TDRD3: variants seen among roughly 807,000 people sequenced by gnomAD.
The protein encoded by TDRD3 is tudor domain containing 3, also known as tudor domain-containing protein 3.
A neutral mutation model predicts 86.7 loss-of-function variants in TDRD3; 45 were observed. The ratio of observed to expected loss-of-function variants is 0.52; its 90% confidence interval spans 0.41 to 0.67. TDRD3 has a LOEUF of 0.67. Ranked by LOEUF, TDRD3 falls within the 30% of genes least tolerant of loss-of-function variation. TDRD3 has a pLI of 0.00. For synonymous variants in TDRD3, 298 were observed against 301.7 expected (o/e 0.99, Z 0.13); for missense variants, 814 against 889.0 (o/e 0.92, Z 1.07).
At chr13:60,506,655 G>A (rs1158452757) in intron 8 of TDRD3, among the ~76,000 whole-genome samples, 5 of 152,140 alleles carry the variant, frequency 3.3e-5, no homozygotes, top group Non-Finnish European at 7.4e-5. Context: ...TACTTGAGAG[G>A]CTGAGGCAGG....
At chr13:60,429,902 A>C (rs1015666204) in intron 1 of TDRD3, among the ~76,000 whole-genome samples, 1 of 152,170 alleles carries the variant, frequency 6.6e-6, no homozygotes, top group African/African-American at 2.4e-5. Context: ...ATTTTGTAGA[A>C]TAAACAAGGG....
intron 11 of TDRD3, among the ~76,000 whole-genome samples, 175 bp downstream of exon 11, chr13:60,529,392 A>G (rs921635918): frequency 6.6e-6 from 1 of 152,188 alleles, no homozygotes; most frequent in Non-Finnish European, 1.5e-5. Flanking sequence ...TAATATTTTT[A>G]TGGATGCCTA....
chr13:60,485,494 C>A (rs2137512336), intron 6 of TDRD3, among the ~76,000 whole-genome samples: 1 of 152,136 alleles, frequency 6.6e-6, no homozygotes, highest in African/African-American at 2.4e-5. Flanking sequence ...TGTTTGAAAT[C>A]TAAAATTATT....
chr13:60,449,514 G>C (rs1955485846), intron 3 of TDRD3, among the ~76,000 whole-genome samples: 1 of 152,062 alleles, frequency 6.6e-6, no homozygotes, highest in African/African-American at 2.4e-5. Flanking sequence ...TGGGAAAAGT[G>C]TTGCTTTTGG....
chr13:60,535,314 A>G (rs1370573354), intron 12 of TDRD3, 81 bp downstream of exon 12: 6 of 1,430,876 alleles, frequency 4.2e-6, no homozygotes, highest in Middle Eastern at 2.0e-4. Flanking sequence ...TAGCCATACA[A>G]AATATGCAAG....
intron 5 of TDRD3, among the ~76,000 whole-genome samples, chr13:60,481,867 A>C (rs747722139): frequency 3.3e-5 from 5 of 152,180 alleles, no homozygotes; most frequent in Admixed American, 1.3e-4. Flanking sequence ...AATGAGTATA[A>C]GAATTAGCTT....
At position 60,509,857 on chromosome 13, in the gene TDRD3, C is replaced by T. The variant is rs1957019696; in HGVS notation, c.953C>T (p.Ala318Val). The change falls in exon 9 of 14, where the codon GCA becomes GTA. Residue 318 changes from alanine (A) to valine (V), a missense_variant. By Grantham distance (64) the Ala-to-Val change is moderately conservative (BLOSUM62 0). Transcript: ENST00000377881. ...ATGGATAATGGCAACAACTTAGAAG[C>T]AGCACTGAACGTACTTCTTACAAGC... ...ALMDNGNNLE[A>V]ALNVLLTSNK... 2 of 1,613,832 alleles carry T rather than the reference C, an allele frequency of 1.2e-6. No individual in the cohort carries two copies. Among genetic ancestry groups the T allele is most frequent in the South Asian group, 2.2e-5 (2 of 91,074 alleles).
intron 1 of TDRD3, among the ~76,000 whole-genome samples, chr13:60,414,339 C>T (rs1954440493): frequency 6.6e-6 from 1 of 152,092 alleles, no homozygotes; most frequent in Admixed American, 6.6e-5. Flanking sequence ...TAGTAGAACA[C>T]AGCCAGAACC....
At chr13:60,534,366 A>T (rs1850610422) in intron 11 of TDRD3, among the ~76,000 whole-genome samples, 1 of 152,158 alleles carries the variant, frequency 6.6e-6, no homozygotes, top group Non-Finnish European at 1.5e-5. Context: ...TAAGTAAATC[A>T]GTTCCTTGTG....
intron 1 of TDRD3, among the ~76,000 whole-genome samples, chr13:60,423,289 C>T (rs1671759823): frequency 6.6e-6 from 1 of 152,120 alleles, no homozygotes; most frequent in Non-Finnish European, 1.5e-5. Context: ...GAAACAGAAA[C>T]TTCAGGAGTT....
At position 60,520,430 on chromosome 13, in the gene TDRD3, G is replaced by C. The variant is rs146380404; in HGVS notation, c.1142-7937G>C. On this transcript the variant is annotated intron_variant, in intron 10 of 13. Transcript: ENST00000377881. The stretch of plus-strand genomic sequence containing the variant: ...GGTTTCTAGCCCAAGATCTTTGTAT[G>C]TGTTGTTCTCTCCTCTTGGACGACT... Among the ~76,000 whole-genome samples, 755 of 152,242 alleles carry C rather than the reference G, an allele frequency of 5.0e-3. 3 individuals are homozygous for C. Among genetic ancestry groups the C allele is most frequent in the Middle Eastern group, 0.024 (7 of 294 alleles).
At chr13:60,514,991 T>C (rs879729668) in intron 10 of TDRD3, among the ~76,000 whole-genome samples, 4 of 152,194 alleles carry the variant, frequency 2.6e-5, no homozygotes, top group African/African-American at 4.8e-5. Context: ...GGGAAGTAGA[T>C]TGATTTTGTA....
At chr13:60,565,212 C>T (rs1285403985) in intron 12 of TDRD3, among the ~76,000 whole-genome samples, 1 of 151,946 alleles carries the variant, frequency 6.6e-6, no homozygotes, top group African/African-American at 2.4e-5. Context: ...CCCGCCACCG[C>T]GCCCGGCTAA....
intron 1 of TDRD3, among the ~76,000 whole-genome samples, chr13:60,413,362 C>T (rs185350069): frequency 6.6e-6 from 1 of 152,246 alleles, no homozygotes; most frequent in African/African-American, 2.4e-5. Flanking sequence ...CTGGTGTTTA[C>T]GAGCATGGGC....
chr13:60,432,690 C>T (rs1594926409), intron 1 of TDRD3, among the ~76,000 whole-genome samples: 1 of 152,066 alleles, frequency 6.6e-6, no homozygotes, highest in African/African-American at 2.4e-5. Flanking sequence ...TGGGAATTTG[C>T]AGTAGGTCAG....
chr13:60,521,443 A>C (rs926630760), intron 10 of TDRD3, among the ~76,000 whole-genome samples: 2 of 151,414 alleles, frequency 1.3e-5, no homozygotes, highest in African/African-American at 4.9e-5. Context: ...CTATGTAAAA[A>C]TATTTAAAGC....
chr13:60,552,816 G>A (rs957833696), intron 12 of TDRD3, among the ~76,000 whole-genome samples: 1 of 152,228 alleles, frequency 6.6e-6, no homozygotes, highest in Non-Finnish European at 1.5e-5. Flanking sequence ...TAAGGCTTGG[G>A]TCTTGCACCC....
At chr13:60,552,373 A>G (rs75218532) in intron 12 of TDRD3, among the ~76,000 whole-genome samples, 7,926 of 152,340 alleles carry the variant, frequency 0.052, 238 homozygotes, top group Non-Finnish European at 0.062. Context: ...CTTTGACTCC[A>G]TGTCTTACAT....
upstream of TDRD3, among the ~76,000 whole-genome samples, chr13:60,396,028 T>C (rs191748117): frequency 6.6e-6 from 1 of 152,258 alleles, no homozygotes; most frequent in African/African-American, 2.4e-5. Context: ...GAGAAAAATC[T>C]GTATTAAGGA....
Sources: allele counts gnomAD v4.1 joint callset (sites outside exome capture counted in the v4.1 genomes callset), GRCh38; gene constraint gnomAD v4.1.1; transcripts MANE v1.5; gene names NCBI Gene and HGNC (gene_info 2026-07-23, HGNC 2026-07-21).